Variants in CCDC30 observed in about 807,000 individuals in gnomAD.
CCDC30 encodes the protein coiled-coil domain containing 30, also known as coiled-coil domain-containing protein 30.
In CCDC30, 70 loss-of-function variants were observed where a neutral mutation model predicts 100.2. The observed-to-expected ratio is 0.70, with a 90% CI of 0.58 to 0.85. The LOEUF (loss-of-function observed/expected upper bound fraction) is 0.85. Among genes scored for constraint, CCDC30 ranks in the 40% least tolerant of loss-of-function variants. CCDC30 has a pLI of 0.00. For missense variants in CCDC30, 652 were observed against 771.2 expected, an observed-to-expected ratio of 0.85 and a Z score of 1.83; for synonymous variants, 233 against 269.5, an observed-to-expected ratio of 0.86 and a Z score of 1.33.
intron 6 of CCDC30, among the ~76,000 whole-genome samples, chr1:42,501,513 TGGA>T (rs748563098): frequency 8.8e-4 from 134 of 152,382 alleles, no homozygotes; most frequent in Non-Finnish European, 1.6e-3. Context: ...TGTGTTCCTT[TGGA>T]GGAGAAGAGG....
At chr1:42,554,475 G>C (rs879635710) in intron 6 of CCDC30, among the ~76,000 whole-genome samples, 4 of 151,574 alleles carry the variant, frequency 2.6e-5, no homozygotes, top group Admixed American at 6.6e-5. Flanking sequence ...ACAGGGTTTC[G>C]CCATGTTGAC....
chr1:42,608,716 CAAAA>C (rs3044834), intron 10 of CCDC30, among the ~76,000 whole-genome samples: 3 of 55,428 alleles, frequency 5.4e-5, no homozygotes, highest in South Asian at 8.9e-4. Context: ...CTCTCTGTCT[CAAAA>C]AAAAAAAAAA....
intron 6 of CCDC30, among the ~76,000 whole-genome samples, chr1:42,552,730 A>G (rs72659980): frequency 6.6e-6 from 1 of 152,130 alleles, no homozygotes; most frequent in East Asian, 1.9e-4. Context: ...GGGAGGAGTG[A>G]CTTGTGACTT....
chr1:42,496,372 T>C (rs188024053), intron 4 of CCDC30, among the ~76,000 whole-genome samples: 79 of 152,272 alleles, frequency 5.2e-4, no homozygotes, highest in African/African-American at 1.7e-3. Context: ...TCTAGAACTC[T>C]ACTTCAGAGC....
At chr1:42,648,136 C>G (rs547507883) in intron 15 of CCDC30, among the ~76,000 whole-genome samples, 105 of 151,962 alleles carry the variant, frequency 6.9e-4, no homozygotes, top group Non-Finnish European at 1.2e-3. Flanking sequence ...GACGGGGTTT[C>G]TCCATGTTGG....
intron 6 of CCDC30, among the ~76,000 whole-genome samples, chr1:42,507,636 T>C (rs1400639829): frequency 6.6e-6 from 1 of 152,266 alleles, no homozygotes; most frequent in East Asian, 1.9e-4. Context: ...AATTACATAT[T>C]ATGATAGTAA....
At chr1:42,515,762 G>A (rs996137287) in intron 6 of CCDC30, among the ~76,000 whole-genome samples, 3 of 152,158 alleles carry the variant, frequency 2.0e-5, no homozygotes, top group Non-Finnish European at 2.9e-5. Context: ...CTGTCTCTAT[G>A]ATTTTGACTA....
intron 6 of CCDC30, among the ~76,000 whole-genome samples, chr1:42,564,233 C>T (rs908513460): frequency 3.9e-5 from 6 of 152,150 alleles, no homozygotes; most frequent in African/African-American, 1.4e-4. Context: ...ATCCAAATGA[C>T]TATTCTCTTA....
At chr1:42,560,135 T>C (rs767509992) in intron 6 of CCDC30, among the ~76,000 whole-genome samples, 2 of 152,112 alleles carry the variant, frequency 1.3e-5, no homozygotes, top group African/African-American at 4.8e-5. Context: ...GGGACACAGC[T>C]AAAGCAGTGG....
At chr1:42,479,122 TC>T (rs1366576903) in intron 1 of CCDC30, among the ~76,000 whole-genome samples, 1 of 152,162 alleles carries the variant, frequency 6.6e-6, no homozygotes, top group African/African-American at 2.4e-5. Context: ...GCACCTGTAA[TC>T]TCAGCACTTT....
rs554763655 is a variant in CCDC30, at chr1:42,545,554, C to T, written c.457-20742C>T. 80 of 1,604,894 alleles carry T rather than the reference C, an allele frequency of 5.0e-5. 1 individual carries two copies. The South Asian group carries it at 7.7e-4, about 15-fold the overall frequency. ...AATTTTGGAAACAGAAATTCAAAGC[C>T]GAAAGGAAGAGACAGAGGAACTCTG... On this transcript the variant is annotated intron_variant, in intron 6 of 16. Transcript: ENST00000668663.
intron 10 of CCDC30, 89 bp downstream of exon 14, chr1:42,589,572 C>G (rs10789417): frequency 0.66 from 748,720 of 1,142,080 alleles, 247,216 homozygotes; most frequent in African/African-American, 0.73. Flanking sequence ...TTTACTAAAC[C>G]TAATCCTTTA....
chr1:42,462,732 G>C (rs1643444477), upstream of CCDC30, among the ~76,000 whole-genome samples: 1 of 152,020 alleles, frequency 6.6e-6, no homozygotes, highest in African/African-American at 2.4e-5. Context: ...AGGTGGGGAA[G>C]ATAACGTTCA....
chr1:42,631,802 T>C (rs1041375871), intron 11 of CCDC30, among the ~76,000 whole-genome samples: 6 of 152,046 alleles, frequency 3.9e-5, no homozygotes, highest in Admixed American at 3.9e-4. Flanking sequence ...CCGCCAATGT[T>C]CCCTTAAGGC....
At chr1:42,636,965 C>CAAAA (rs1166253995) in intron 11 of CCDC30, among the ~76,000 whole-genome samples, 447 of 29,510 alleles carry the variant, frequency 0.015, 76 homozygotes, top group African/African-American at 0.041. Context: ...GACTCCATCT[C>CAAAA]AAAAAAAAAA....
At chr1:42,563,715 A>G (rs1645545710) in intron 6 of CCDC30, among the ~76,000 whole-genome samples, 1 of 152,112 alleles carries the variant, frequency 6.6e-6, no homozygotes, top group South Asian at 2.1e-4. Flanking sequence ...CGTCTCTACT[A>G]AAAATACAAA....
chr1:42,488,497 A>G (rs1644087421), intron 3 of CCDC30, among the ~76,000 whole-genome samples: 1 of 152,014 alleles, frequency 6.6e-6, no homozygotes, highest in Non-Finnish European at 1.5e-5. Context: ...AATCTTTTGT[A>G]GAGAAGGTGG....
intron 9 of CCDC30, among the ~76,000 whole-genome samples, chr1:42,587,903 G>A (rs1187556516): frequency 6.6e-6 from 1 of 152,188 alleles, no homozygotes; most frequent in Non-Finnish European, 1.5e-5. Flanking sequence ...TGCACAGAAA[G>A]CCAATTACTG....
chr1:42,502,585 C>T lies in CCDC30; in HGVS notation c.456+3669C>T, dbSNP rs1015912054. On this transcript the variant is annotated intron_variant, in intron 6 of 16. Transcript: ENST00000668663. Reference sequence around the variant, plus strand: ...CTGGGAGCTGTAGACTGGAGCTGTTCCTATTCGGCCATCTTGGAACCTCCC... The same window carrying T: ...CTGGGAGCTGTAGACTGGAGCTGTTTCTATTCGGCCATCTTGGAACCTCCC... 4.6e-5 allele frequency among the ~76,000 whole-genome samples: 7 copies of T among 152,250 alleles called. No individual in the cohort carries two copies. The East Asian group carries it at 1.4e-3, about 30-fold the overall frequency.
Sources: allele counts gnomAD v4.1 joint callset (sites outside exome capture counted in the v4.1 genomes callset), GRCh38; gene constraint gnomAD v4.1.1; transcripts MANE v1.5; gene names NCBI Gene and HGNC (gene_info 2026-07-23, HGNC 2026-07-21).